Variants in MYO10 observed in about 807,000 individuals in gnomAD.
The protein encoded by MYO10 is unconventional myosin-X.
MYO10 carries 133 observed loss-of-function variants against 257.3 expected under a neutral mutation model. The observed-to-expected ratio is 0.52, with a 90% CI of 0.45 to 0.60. MYO10 has a LOEUF of 0.60. Ranked by LOEUF, MYO10 falls within the 20% of genes least tolerant of loss-of-function variation. The pLI is 0.00. For synonymous variants in MYO10, 1,104 were observed against 1,028.6 expected (o/e 1.07, Z -1.40); for missense variants, 2,399 against 2,635.7 (o/e 0.91, Z 1.97).
Position 16,762,576 on chromosome 5 carries a change from G to A in MYO10, c.1556C>T (p.Thr519Ile). The change falls in exon 15 of 41, where the codon ACC (threonine) becomes ATC (isoleucine). Residue 519 changes from threonine to isoleucine, a missense_variant. Physicochemically the swap from Thr to Ile is moderately conservative, Grantham distance 89 (BLOSUM62 -1). Coordinates refer to ENST00000513610, the MANE Select transcript of MYO10 (RefSeq NM_012334.3). Reference sequence around the variant, plus strand: ...CTGACTGTGTAGCTTCTCCAATAAGGTGCTGTCTGTGGCTTGAGGAAAATG... The same window carrying A: ...CTGACTGTGTAGCTTCTCCAATAAGATGCTGTCTGTGGCTTGAGGAAAATG... ...ESHFPQATDS[T>I]LLEKLHSQHA... 6.2e-7 allele frequency: 1 copy of A among 1,610,304 alleles called. No individual in the cohort carries two copies. The highest frequency in any genetic ancestry group is 1.1e-5 in the South Asian group (1 of 89,764).
intron 19 of MYO10, among the ~76,000 whole-genome samples, chr5:16,750,064 G>A (rs1740336971): frequency 6.6e-6 from 1 of 152,124 alleles, no homozygotes; most frequent in South Asian, 2.1e-4. Context: ...AATCAAAAAA[G>A]CTAGAAGTCC....
At chr5:16,863,149 A>C (rs1342113099) in intron 2 of MYO10, among the ~76,000 whole-genome samples, 1 of 152,162 alleles carries the variant, frequency 6.6e-6, no homozygotes, top group African/African-American at 2.4e-5. Flanking sequence ...GGAGAACAGG[A>C]AACCAAAGAA....
At chr5:16,815,211 T>C (rs1056311650) in intron 3 of MYO10, 1 of 455,166 alleles carries the variant, frequency 2.2e-6, no homozygotes, top group African/African-American at 2.0e-5. Context: ...AAAGTATGAG[T>C]TTCAAAATAT....
intron 1 of MYO10, among the ~76,000 whole-genome samples, chr5:16,922,342 G>A (rs528434064): frequency 7.2e-5 from 11 of 152,276 alleles, no homozygotes; most frequent in South Asian, 4.1e-4. Context: ...GCTCCAAGCC[G>A]CCTGCAATGA....
chr5:16,692,083 T>A (rs1453572597), intron 27 of MYO10, among the ~76,000 whole-genome samples: 6 of 152,094 alleles, frequency 3.9e-5, no homozygotes, highest in Non-Finnish European at 8.8e-5. Flanking sequence ...AAAATAACTA[T>A]AAAACCAACC....
Position 16,668,292 on chromosome 5 carries a change from G to A in MYO10, c.6060C>T (p.Leu2020=), listed in dbSNP as rs750415980. The A allele has an allele frequency of 3.1e-6, 5 of 1,612,248 alleles. No individual in the cohort carries two copies. The South Asian group carries it at 4.4e-5, about 14-fold the overall frequency. The change falls in exon 40 of 41, where the codon CTC becomes CTT. Residue 2020 remains leucine, a synonymous_variant. Transcript: ENST00000513610. The stretch of plus-strand genomic sequence containing the variant: ...TGCCTCTTACCTCACTGGTTTCAAA[G>A]AGCAGCTCCCTCTCATCGACCACGA... The part of the protein sequence containing the change: ...YKIVVDEREL[L]FETSEVVDVA...
At position 16,789,551 on chromosome 5, in the gene MYO10, G is replaced by A. The variant is rs1029034698; in HGVS notation, c.467+5095C>T. Among the ~76,000 whole-genome samples, 12 of 152,262 alleles carry A rather than the reference G, an allele frequency of 7.9e-5. No individual in the cohort carries two copies. In the East Asian group the frequency reaches 2.3e-3, roughly 29 times the overall value. ...GCCTGTAATCTTAGCACTTTGGGAG[G>A]CTGAGGCAGGCAGATCATTTGAGGT... On this transcript the variant is annotated intron_variant, in intron 4 of 40. Transcript: ENST00000513610.
chr5:16,768,944 G>A, intron 10 of MYO10, 130 bp downstream of exon 10: 1 of 1,169,016 alleles, frequency 8.6e-7, no homozygotes, highest in East Asian at 3.0e-5. Context: ...CCAAAGTGCT[G>A]GGGTTACAGG....
intron 19 of MYO10, among the ~76,000 whole-genome samples, chr5:16,744,675 T>G (rs1579941363): frequency 6.6e-6 from 1 of 151,072 alleles, no homozygotes; most frequent in Non-Finnish European, 1.5e-5. Context: ...GGGGAACAGG[T>G]GGGGTAGTGG....
At chr5:16,932,728 C>T (rs1298403134) in intron 1 of MYO10, among the ~76,000 whole-genome samples, 4 of 152,144 alleles carry the variant, frequency 2.6e-5, no homozygotes, top group African/African-American at 9.7e-5. Flanking sequence ...GCTTTGCAAG[C>T]TTCCCCCTGG....
intron 32 of MYO10, 69 bp downstream of exon 32, chr5:16,681,240 T>C: frequency 3.4e-6 from 5 of 1,465,506 alleles, no homozygotes; most frequent in South Asian, 1.3e-5. Context: ...AGGAATCTTA[T>C]TCCTTTGCCC....
At chr5:16,918,073 G>T (rs962091366) in intron 1 of MYO10, among the ~76,000 whole-genome samples, 5 of 152,176 alleles carry the variant, frequency 3.3e-5, no homozygotes, top group East Asian at 1.9e-4. Context: ...GCCTTCAAAA[G>T]CTGGTTTAAA....
rs117319916 is a variant in MYO10 at position 16,725,556 on chromosome 5, G to T, written c.1930-14311C>A. Reference sequence around the variant, plus strand: ...AATCAGTCCATGATGATAAAATTAAGTGTGTGATATACATTTTTAAAAAAG... The same window carrying T: ...AATCAGTCCATGATGATAAAATTAATTGTGTGATATACATTTTTAAAAAAG... On this transcript the variant is annotated intron_variant, in intron 19 of 40. Coordinates refer to ENST00000513610, the MANE Select transcript of MYO10 (RefSeq NM_012334.3). Among the ~76,000 whole-genome samples, 97 of 152,284 alleles carry T rather than the reference G, an allele frequency of 6.4e-4. No individual in the cohort carries two copies. In the East Asian group the frequency reaches 0.017, roughly 26 times the overall value.
intron 1 of MYO10, among the ~76,000 whole-genome samples, chr5:16,902,882 T>C (rs1745422674): frequency 6.6e-6 from 1 of 152,222 alleles, no homozygotes; most frequent in East Asian, 1.9e-4. Context: ...GCTACAAATA[T>C]TTATTTAGCC....
Position 16,935,868 on chromosome 5 carries a change from C to A in MYO10, c.-60G>T. 1 of 1,600,340 alleles carries A rather than the reference C, an allele frequency of 6.2e-7. No homozygotes were observed. Among genetic ancestry groups the A allele is most frequent in the Non-Finnish European group, 8.5e-7 (1 of 1,173,946 alleles). On this transcript the variant is annotated 5_prime_UTR_variant, in exon 1 of 41. Coordinates refer to ENST00000513610, the MANE Select transcript of MYO10 (RefSeq NM_012334.3). ...CTCCGACTCGCGGAAGTCAGCGCCGCCGCGGGTCCGGGGAAACCATGCGTG... is the reference window on the plus strand; with the variant it reads ...CTCCGACTCGCGGAAGTCAGCGCCGACGCGGGTCCGGGGAAACCATGCGTG...
chr5:16,723,151 C>A, intron 19 of MYO10, among the ~76,000 whole-genome samples: 1 of 150,364 alleles, frequency 6.7e-6, no homozygotes, highest in East Asian at 1.9e-4. Flanking sequence ...CCGAGGCAGG[C>A]GGATCACGAG....
chr5:16,883,672 A>C (rs1362254539), intron 1 of MYO10, among the ~76,000 whole-genome samples: 1 of 152,206 alleles, frequency 6.6e-6, no homozygotes, highest in Non-Finnish European at 1.5e-5. Flanking sequence ...AAATATTGAC[A>C]CACAAAGTTG....
At chr5:16,804,194 T>A (rs1348034217) in intron 3 of MYO10, among the ~76,000 whole-genome samples, 2 of 152,184 alleles carry the variant, frequency 1.3e-5, no homozygotes, top group African/African-American at 4.8e-5. Context: ...CGTCTCCTTG[T>A]CCCGTGTGTT....
chr5:16,777,839 CTTTTTTTTTTT>C lies in MYO10; in HGVS notation c.930+1695_930+1705del, dbSNP rs61326508. The stretch of plus-strand genomic sequence containing the variant: ...GCCACCCTAGGTGCATTGCATCTAA[CTTTTTTTTTTT>C]TTTTTTTTTTTTTTTTTGAGACGGA... On this transcript the variant is annotated intron_variant, in intron 9 of 40. Transcript: ENST00000513610. 4.0e-3 allele frequency among the ~76,000 whole-genome samples: 356 copies of C among 88,472 alleles called. 1 individual carries two copies. Among genetic ancestry groups the C allele is most frequent in the African/African-American group, 0.017 (325 of 18,646 alleles). The allele number at this position is 88,472 out of a possible 152,430, so 58.0% of individuals were successfully genotyped here.
Sources: allele counts gnomAD v4.1 joint callset (sites outside exome capture counted in the v4.1 genomes callset), GRCh38; gene constraint gnomAD v4.1.1; transcripts MANE v1.5; gene names NCBI Gene and HGNC (gene_info 2026-07-23, HGNC 2026-07-21).